The following ABCE1 variants were observed in gnomAD, a reference collection of about 807,000 sequenced individuals.
ABCE1 encodes ATP binding cassette subfamily E member 1.
In ABCE1, 22 loss-of-function variants were observed where a neutral mutation model predicts 83.4. The observed-to-expected ratio is 0.26, with a 90% CI of 0.19 to 0.38. The LOEUF (loss-of-function observed/expected upper bound fraction) is 0.38. Among genes scored for constraint, ABCE1 ranks in the 10% least tolerant of loss-of-function variants. ABCE1 has a pLI of 1.00. For synonymous variants in ABCE1, 204 were observed against 233.7 expected, an observed-to-expected ratio of 0.87 and a Z score of 1.16; for missense variants, 330 against 721.9, an observed-to-expected ratio of 0.46 and a Z score of 6.22.
At chr4:145,116,376 G>T (rs1197928903) in intron 9 of ABCE1, among the ~76,000 whole-genome samples, 1 of 151,852 alleles carries the variant, frequency 6.6e-6, no homozygotes. Context: ...GAAGAAAAAG[G>T]GTGAGATTGA....
intron 16 of ABCE1, among the ~76,000 whole-genome samples, chr4:145,124,128 A>T (rs1749812505): frequency 6.6e-6 from 1 of 152,182 alleles, no homozygotes; most frequent in Admixed American, 6.5e-5. Flanking sequence ...GAGAAGCCTA[A>T]CATTCAGATC....
intron 1 of ABCE1, among the ~76,000 whole-genome samples, chr4:145,099,252 T>C (rs1250987976): frequency 6.6e-6 from 1 of 152,224 alleles, no homozygotes; most frequent in Non-Finnish European, 1.5e-5. Flanking sequence ...TACATAAGCT[T>C]ATTTTCTCTT....
chr4:145,127,245 A>G (rs926325454), intron 17 of ABCE1, among the ~76,000 whole-genome samples: 6 of 152,234 alleles, frequency 3.9e-5, no homozygotes, highest in Non-Finnish European at 8.8e-5. Flanking sequence ...TCCTAGAAAT[A>G]ATAACACATA....
At chr4:145,115,300 C>T (rs1039642731) in intron 9 of ABCE1, among the ~76,000 whole-genome samples, 2 of 151,938 alleles carry the variant, frequency 1.3e-5, no homozygotes, top group Admixed American at 6.6e-5. Context: ...AAAGCTACTA[C>T]GTAATACAAT....
rs1560967585 is a variant in ABCE1, at chr4:145,127,661, T to C, written c.*88T>C. ...ATATAAAACTTGAATCAGGATTTTA[T>C]GCCCCACATACTCTGGAACTTGAAG... On this transcript the variant is annotated 3_prime_UTR_variant, in exon 18 of 18. Coordinates refer to ENST00000296577, the MANE Select transcript of ABCE1 (RefSeq NM_002940.3). 1 of 991,628 alleles carries C rather than the reference T, an allele frequency of 1.0e-6. No individual in the cohort carries two copies. The highest frequency in any genetic ancestry group is 1.5e-6 in the Non-Finnish European group (1 of 682,576). 61.4% of individuals were successfully genotyped at this position (991,628 alleles called of 1,614,324 possible).
rs771611529 is a variant in ABCE1 at position 145,110,961 on chromosome 4, T to C, written c.614-7T>C. 1 of 1,598,344 alleles carries C rather than the reference T, an allele frequency of 6.3e-7. No homozygotes were observed. ...CATTGAGCACAATGCCTCTATGTTC[T>C]TTGTAGATTTAACCCACCTAAAAGA... On this transcript the variant is annotated splice_polypyrimidine_tract_variant and splice_region_variant and intron_variant, in intron 7 of 17. Transcript: ENST00000296577.
intron 16 of ABCE1, among the ~76,000 whole-genome samples, 200 bp from the exon 17 acceptor site, chr4:145,124,790 T>C (rs933420224): frequency 6.6e-6 from 1 of 152,160 alleles, no homozygotes; most frequent in African/African-American, 2.4e-5. Context: ...ACAAAAATAT[T>C]ACAGCCAAGA....
intron 1 of ABCE1, among the ~76,000 whole-genome samples, chr4:145,102,994 A>G (rs183098189): frequency 8.5e-5 from 13 of 152,304 alleles, no homozygotes; most frequent in Non-Finnish European, 1.6e-4. Context: ...ATCGAGAACT[A>G]TGTCAGGAGT....
chr4:145,125,122 AAATCATGGATTACT>A (rs1749845978), intron 17 of ABCE1, 21 bp downstream of exon 17: 2 of 1,497,708 alleles, frequency 1.3e-6, no homozygotes, highest in Non-Finnish European at 1.9e-6. Context: ...AAGTTGTCTT[AAATCATGGATTACT>A]GATCTCAGTA....
In ABCE1 at chr4:145,121,178, G is replaced by A. The variant is rs1446290537; in HGVS notation, c.1149G>A (p.Thr383=). 5 of 1,613,224 alleles carry A rather than the reference G, an allele frequency of 3.1e-6. No homozygotes were observed. Among genetic ancestry groups the A allele is most frequent in the South Asian group, 1.1e-5 (1 of 91,034 alleles). ...EIMVMLGENG[T]GKTTFIRMLA... ...TGTCATATGTTGTGTTGCCAGGAAC[G>A]GGTAAAACGACATTTATCAGAATGC... Residue 383 remains threonine (T), a synonymous_variant, in exon 12 of 18, where the codon ACG becomes ACA. Transcript: ENST00000296577.
intron 3 of ABCE1, 32 bp downstream of exon 3, chr4:145,105,722 T>G: frequency 6.8e-7 from 1 of 1,476,250 alleles, no homozygotes. Flanking sequence ...GGATCAAACG[T>G]GTAACCTAAA....
rs758144917 is a variant in ABCE1 at position 145,110,083 on chromosome 4, T to C, written c.406-20T>C. ...GTATTATTAAATTCACATGATTCTGTATTTTTTTTTTTTTTTTAGGATCCT... is the reference window on the plus strand; with the variant it reads ...GTATTATTAAATTCACATGATTCTGCATTTTTTTTTTTTTTTTAGGATCCT... On this transcript the variant is annotated intron_variant, in intron 5 of 17. Transcript: ENST00000296577. 6.6e-7 allele frequency: 1 copy of C among 1,521,932 alleles called. No individual in the cohort carries two copies. Among genetic ancestry groups the C allele is most frequent in the Admixed American group, 2.2e-5 (1 of 45,498 alleles). The allele number at this position is 1,521,932 out of a possible 1,614,324, so 94.3% of individuals were successfully genotyped here.
chr4:145,103,382 G>C (rs1015048656), intron 1 of ABCE1, among the ~76,000 whole-genome samples: 2 of 152,058 alleles, frequency 1.3e-5, no homozygotes, highest in Non-Finnish European at 2.9e-5. Flanking sequence ...GCACCTTTTG[G>C]AATTTTTTAC....
intron 11 of ABCE1, chr4:145,120,936 C>T (rs1208191265): frequency 8.5e-6 from 4 of 468,040 alleles, no homozygotes; most frequent in African/African-American, 5.9e-5. Flanking sequence ...ATAGACATAC[C>T]ATTTATTAAA....
At position 145,104,326 on chromosome 4, in the gene ABCE1, A is replaced by T. The variant is rs772156287; in HGVS notation, c.-27-60A>T. ...GATCATTTATGTTTTCCTGTCTTTCATGTATGCAAATTAGTTCCCTTAACT... is the reference window on the plus strand; with the variant it reads ...GATCATTTATGTTTTCCTGTCTTTCTTGTATGCAAATTAGTTCCCTTAACT... On this transcript the variant is annotated intron_variant, in intron 1 of 17. Coordinates refer to ENST00000296577, the MANE Select transcript of ABCE1 (RefSeq NM_002940.3). The T allele has an allele frequency of 9.7e-6, 6 of 618,234 alleles. No homozygotes were observed. The Admixed American group carries it at 1.7e-4, about 17-fold the overall frequency. 38.3% of individuals were successfully genotyped at this position (618,234 alleles called of 1,614,324 possible).
At chr4:145,119,040 T>TAGATAGTTTAAGA (rs1046590346) in intron 10 of ABCE1, among the ~76,000 whole-genome samples, 1 of 151,862 alleles carries the variant, frequency 6.6e-6, no homozygotes, top group African/African-American at 2.4e-5. Context: ...TTATAGGTTT[T>TAGATAGTTTAAGA]AGATAGTTTA....
rs1749953970 is a variant in ABCE1, at chr4:145,128,479, C to G, written c.*906C>G. ...TGTTGGGCAGCCAAGGATTATAAAC[C>G]ACTTCCCTAAAGGCAACATTAATGC... On this transcript the variant is annotated 3_prime_UTR_variant, in exon 18 of 18. Coordinates refer to ENST00000296577, the MANE Select transcript of ABCE1 (RefSeq NM_002940.3). 6.6e-6 allele frequency: 1 copy of G among 152,020 alleles called. No homozygotes were observed. The highest frequency in any genetic ancestry group is 2.4e-5 in the African/African-American group (1 of 41,390). The allele number at this position is 152,020 out of a possible 1,614,324, so 9.4% of individuals were successfully genotyped here.
intron 9 of ABCE1, among the ~76,000 whole-genome samples, chr4:145,116,915 A>G (rs531869196): frequency 1.3e-5 from 2 of 152,054 alleles, no homozygotes; most frequent in Admixed American, 6.6e-5. Context: ...TCCATCCCCT[A>G]CTACAGCTAG....
In ABCE1 at chr4:145,121,400, T is replaced by C. The variant is rs551468964; in HGVS notation, c.1263+9T>C. The C allele has an allele frequency of 4.5e-5, 72 of 1,602,894 alleles. No individual in the cohort carries two copies. In the South Asian group the frequency reaches 5.0e-4, roughly 11 times the overall value. ...TTAGTCCCAAATCAACTGTGAGTTA[T>C]TATTTTTTATATGGTTACTAAAGAA... On this transcript the variant is annotated intron_variant, in intron 13 of 17. Coordinates refer to ENST00000296577, the MANE Select transcript of ABCE1 (RefSeq NM_002940.3).
Sources: gnomAD v4.1 joint callset for allele counts (sites outside exome capture counted in the v4.1 genomes callset) on GRCh38, gnomAD v4.1.1 for gene constraint, MANE v1.5 for transcripts, NCBI Gene and HGNC (gene_info 2026-07-23, HGNC 2026-07-21) for gene names.